The following MCTP1 variants were observed in gnomAD, a reference collection of about 807,000 sequenced individuals.
MCTP1 encodes the protein multiple C2 and transmembrane domain containing 1, also known as multiple C2 and transmembrane domain-containing protein 1.
Under a neutral mutation model 120.6 loss-of-function variants are expected in MCTP1, and 69 were observed. The ratio of observed to expected loss-of-function variants is 0.57; its 90% CI spans 0.47 to 0.70. The LOEUF (loss-of-function observed/expected upper bound fraction) is 0.70, where lower values mean the gene tolerates loss of function less well. Ranked by LOEUF, MCTP1 falls within the 30% of genes least tolerant of loss-of-function variation. MCTP1 has a pLI of 0.00. For synonymous variants in MCTP1, 529 were observed against 493.1 expected (o/e 1.07, Z -0.96); for missense variants, 1,203 against 1,248.8 (o/e 0.96, Z 0.55).
chr5:95,113,297 A>G (rs1476870342), intron 1 of MCTP1, among the ~76,000 whole-genome samples: 1 of 152,006 alleles, frequency 6.6e-6, no homozygotes, highest in African/African-American at 2.4e-5. Flanking sequence ...CCAAACAAAA[A>G]CCACCATCAT....
Position 95,123,136 on chromosome 5 carries a change from A to T in MCTP1, c.721-105652T>A, listed in dbSNP as rs116538628. ...AAGGAGTATAATTAAATTGTTTTTA[A>T]CACAAAGAATAAATGCTTGAGGTGA... On this transcript the variant is annotated intron_variant, in intron 1 of 22. Coordinates refer to ENST00000515393, the MANE Select transcript of MCTP1 (RefSeq NM_024717.7). Among the ~76,000 whole-genome samples the T allele has an allele frequency of 6.4e-3, 973 of 152,342 alleles. 8 individuals carry two copies. Among genetic ancestry groups the T allele is most frequent in the Non-Finnish European group, 9.3e-3 (634 of 68,016 alleles).
At chr5:95,275,344 C>T (rs1011666842) in intron 1 of MCTP1, among the ~76,000 whole-genome samples, 4 of 152,214 alleles carry the variant, frequency 2.6e-5, no homozygotes, top group Non-Finnish European at 5.9e-5. Context: ...TCTGGCAACA[C>T]GGTTTCTTTC....
intron 10 of MCTP1, among the ~76,000 whole-genome samples, chr5:94,906,376 C>A (rs954782106): frequency 2.6e-5 from 4 of 152,078 alleles, no homozygotes; most frequent in Non-Finnish European, 4.4e-5. Context: ...GTCCCAGCTA[C>A]TCAGGAGGCT....
At chr5:95,015,596 T>A (rs191442181) in intron 2 of MCTP1, among the ~76,000 whole-genome samples, 1 of 152,162 alleles carries the variant, frequency 6.6e-6, no homozygotes, top group Non-Finnish European at 1.5e-5. Context: ...CAAATTCTTA[T>A]GTATTTCTTT....
chr5:95,095,005 G>GTTTTTTTTTTTTTTT (rs1562138448), intron 1 of MCTP1, among the ~76,000 whole-genome samples: 2 of 79,554 alleles, frequency 2.5e-5, no homozygotes, highest in African/African-American at 1.0e-4. Flanking sequence ...TGTTATGTTA[G>GTTTTTTTTTTTTTTT]ATTTTTTTTT....
chr5:94,900,532 A>G (rs924015135), intron 10 of MCTP1, among the ~76,000 whole-genome samples: 5 of 152,104 alleles, frequency 3.3e-5, no homozygotes, highest in Non-Finnish European at 7.4e-5. Flanking sequence ...CCCAATACTC[A>G]TTTCACTCAC....
chr5:94,907,224 TC>T (rs1807142452), intron 10 of MCTP1, among the ~76,000 whole-genome samples: 1 of 152,192 alleles, frequency 6.6e-6, no homozygotes, highest in Non-Finnish European at 1.5e-5. Context: ...CATCTGGATA[TC>T]AAAAAGATTT....
intron 2 of MCTP1, among the ~76,000 whole-genome samples, chr5:94,989,236 G>T (rs1416969501): frequency 6.6e-6 from 1 of 152,150 alleles, no homozygotes; most frequent in Non-Finnish European, 1.5e-5. Flanking sequence ...TTTCTTCTGA[G>T]AGTATTTTCT....
intron 2 of MCTP1, among the ~76,000 whole-genome samples, chr5:95,010,080 G>A (rs903932450): frequency 6.6e-6 from 1 of 152,114 alleles, no homozygotes; most frequent in Non-Finnish European, 1.5e-5. Context: ...ATTTTGCTGG[G>A]TAGTAGGTGA....
chr5:95,048,026 A>G (rs1052279399), intron 1 of MCTP1, among the ~76,000 whole-genome samples: 3 of 152,226 alleles, frequency 2.0e-5, no homozygotes, highest in Admixed American at 6.5e-5. Context: ...TGCATTTAAG[A>G]TATGTTAAGT....
At chr5:94,922,563 A>C (rs1269586481) in intron 7 of MCTP1, among the ~76,000 whole-genome samples, 1 of 151,176 alleles carries the variant, frequency 6.6e-6, no homozygotes, top group Admixed American at 6.6e-5. Flanking sequence ...ATCGCAGCCC[A>C]CTACAACCTC....
chr5:95,076,228 C>G (rs1291721242), intron 1 of MCTP1, among the ~76,000 whole-genome samples: 2 of 151,994 alleles, frequency 1.3e-5, no homozygotes, highest in Non-Finnish European at 2.9e-5. Flanking sequence ...CTCAAAATAT[C>G]ATACAGTACC....
chr5:94,779,859 A>T (rs1580648520), intron 18 of MCTP1, among the ~76,000 whole-genome samples: 1 of 152,242 alleles, frequency 6.6e-6, no homozygotes, highest in East Asian at 1.9e-4. Context: ...GCATGTATGT[A>T]TTTTTTAACG....
In MCTP1 at chr5:94,940,187, T is replaced by A. The variant is rs777016909; in HGVS notation, c.1070A>T (p.Asp357Val). The A allele has an allele frequency of 6.3e-7, 1 of 1,581,578 alleles. No homozygotes were observed. Among genetic ancestry groups the A allele is most frequent in the East Asian group, 2.3e-5 (1 of 44,440 alleles). ...LTQLELNRPT[D>V]VTLTLKDPHY... ...AGGATCTTTCAGAGTAAGGGTCACATCTGTGGGCCTGTGATAGAAAATATT... is the reference window on the plus strand; with the variant it reads ...AGGATCTTTCAGAGTAAGGGTCACAACTGTGGGCCTGTGATAGAAAATATT... Residue 357 changes from aspartate (D) to valine (V), a missense_variant, in exon 5 of 23, where the codon GAT becomes GTT. Around this residue, in one of 2 missense-constraint regions of MCTP1, gnomAD observed 740 missense variants for 871.1 expected, o/e 0.85. Transcript: ENST00000515393.
chr5:94,795,133 G>A (rs1053429403), intron 18 of MCTP1, among the ~76,000 whole-genome samples: 1 of 152,002 alleles, frequency 6.6e-6, no homozygotes, highest in Admixed American at 6.6e-5. Context: ...GGTTTGCTTG[G>A]CTAACCTATT....
At chr5:94,811,969 T>C (rs985632480) in intron 17 of MCTP1, among the ~76,000 whole-genome samples, 2 of 152,174 alleles carry the variant, frequency 1.3e-5, no homozygotes, top group African/African-American at 4.8e-5. Flanking sequence ...CATAAAGCCC[T>C]GTTTCTAAAA....
rs143983221 is a variant in MCTP1, at chr5:95,062,524, C to G, written c.721-45040G>C. Among the ~76,000 whole-genome samples the G allele has an allele frequency of 6.9e-4, 105 of 152,290 alleles. 3 individuals are homozygous for G. In the East Asian group the frequency reaches 0.02, roughly 28 times the overall value. On this transcript the variant is annotated intron_variant, in intron 1 of 22. Coordinates refer to ENST00000515393, the MANE Select transcript of MCTP1 (RefSeq NM_024717.7). ...CAGCTTCCTTTATAGATGTGAAAAT[C>G]AGACAGGCAGCACAATAAGATTAAG...
At chr5:94,729,183 A>T (rs987509701) in intron 19 of MCTP1, among the ~76,000 whole-genome samples, 1 of 152,202 alleles carries the variant, frequency 6.6e-6, no homozygotes, top group Non-Finnish European at 1.5e-5. Flanking sequence ...AACAAAGGGA[A>T]TTGAACACAA....
At position 95,026,672 on chromosome 5, in the gene MCTP1, T is replaced by C. The variant is rs1345679876; in HGVS notation, c.721-9188A>G. 3.3e-5 allele frequency among the ~76,000 whole-genome samples: 5 copies of C among 152,192 alleles called. No individual in the cohort carries two copies. In the East Asian group the frequency reaches 9.7e-4, roughly 29 times the overall value. The stretch of plus-strand genomic sequence containing the variant: ...GGAGGTTTATTGTAGCACTGTACAG[T>C]GGGGGAGGGGTATGCCTGGCTTCTA... On this transcript the variant is annotated intron_variant, in intron 1 of 22. Transcript: ENST00000515393.
Sources: allele counts gnomAD v4.1 joint callset (sites outside exome capture counted in the v4.1 genomes callset), GRCh38; gene constraint gnomAD v4.1.1; regional missense constraint gnomAD v4.1.1; transcripts MANE v1.5; gene names NCBI Gene and HGNC (gene_info 2026-07-23, HGNC 2026-07-21).